The following CNTRL variants were observed in gnomAD, a reference collection of about 807,000 sequenced individuals.
CNTRL encodes the protein centriolin, also known as 110 kDa centrosomal protein.
Under a neutral mutation model 303.7 loss-of-function variants are expected in CNTRL, and 233 were observed. The ratio of observed to expected loss-of-function variants is 0.77; its 90% CI spans 0.69 to 0.86. The LOEUF is 0.86. Ranked by LOEUF, CNTRL falls within the 40% of genes least tolerant of loss-of-function variation. The pLI is 0.00. For synonymous variants in CNTRL, 900 were observed against 922.2 expected (o/e 0.98, Z 0.44); for missense variants, 2,524 against 2,650.6 (o/e 0.95, Z 1.05).
At chr9:121,105,975 T>C (rs1299496808) in intron 7 of CNTRL, among the ~76,000 whole-genome samples, 1 of 151,966 alleles carries the variant, frequency 6.6e-6, no homozygotes, top group African/African-American at 2.4e-5. Flanking sequence ...GACCAGGAAA[T>C]GGGCAGAAAC....
chr9:121,152,462 AT>A (rs753100222), intron 25 of CNTRL, 22 bp from the exon 26 acceptor site: 38 of 1,589,102 alleles, frequency 2.4e-5, no homozygotes, highest in Non-Finnish European at 2.9e-5. Context: ...TCAGCACTGC[AT>A]TTTTTTCCCC....
chr9:121,131,583 C>G (rs910796199), intron 14 of CNTRL, among the ~76,000 whole-genome samples: 1 of 152,198 alleles, frequency 6.6e-6, no homozygotes, highest in Non-Finnish European at 1.5e-5. Flanking sequence ...GACTCTTTAT[C>G]CAATTTGCCA....
Position 121,112,376 on chromosome 9 carries a change from A to G in CNTRL, c.1003-83A>G, listed in dbSNP as rs1038963827. On this transcript the variant is annotated intron_variant, in intron 8 of 43. Coordinates refer to ENST00000373855, the MANE Select transcript of CNTRL (RefSeq NM_007018.6). ...TTTTAAACATATATGATTATAACTTACGATGAGAACTTACCATATCATCAC... is the reference window on the plus strand; with the variant it reads ...TTTTAAACATATATGATTATAACTTGCGATGAGAACTTACCATATCATCAC... The G allele has an allele frequency of 4.8e-6, 6 of 1,246,312 alleles. No individual in the cohort carries two copies. The African/African-American group carries it at 9.1e-5, about 19-fold the overall frequency. The allele number at this position is 1,246,312 out of a possible 1,614,324, so 77.2% of individuals were successfully genotyped here.
intron 6 of CNTRL, 58 bp from the exon 7 acceptor site, chr9:121,098,324 CCTTT>C: frequency 1.6e-6 from 2 of 1,245,296 alleles, no homozygotes; most frequent in Non-Finnish European, 2.3e-6. Context: ...TTTGTAACTT[CCTTT>C]AAGTATGTTA....
chr9:121,109,013 T>C (rs2049617667), intron 8 of CNTRL, among the ~76,000 whole-genome samples: 1 of 152,196 alleles, frequency 6.6e-6, no homozygotes, highest in Admixed American at 6.5e-5. Flanking sequence ...GGAATGTTAC[T>C]GTATACAGTT....
chr9:121,140,540 G>A, intron 16 of CNTRL, 101 bp from the exon 17 acceptor site: 2 of 1,020,342 alleles, frequency 2.0e-6, no homozygotes, highest in East Asian at 2.9e-5. Context: ...AAGAGGCATT[G>A]TCTGAATTTA....
At chr9:121,107,336 A>C (rs1435917809) in intron 7 of CNTRL, among the ~76,000 whole-genome samples, 10 of 152,204 alleles carry the variant, frequency 6.6e-5, no homozygotes, top group African/African-American at 2.4e-4. Context: ...AAGATGAGGC[A>C]GAAGAGGGAG....
chr9:121,141,627 G>T, intron 18 of CNTRL, 39 bp downstream of exon 18: 1 of 1,561,802 alleles, frequency 6.4e-7, no homozygotes, highest in Non-Finnish European at 8.8e-7. Context: ...GGAAGTGTTT[G>T]GCAAATATTA....
chr9:121,146,140 G>C lies in CNTRL; in HGVS notation c.3343G>C (p.Glu1115Gln), dbSNP rs759286472. ...AGGAGGCTTTGAAAATGTTTTAGAAGAAATTGCTGAACTTCGACGTGAAGT... is the reference window on the plus strand; with the variant it reads ...AGGAGGCTTTGAAAATGTTTTAGAACAAATTGCTGAACTTCGACGTGAAGT... ...NKGGFENVLE[E>Q]IAELRREVSY... Residue 1115 changes from glutamate to glutamine, a missense_variant, in exon 23 of 44, where the codon GAA becomes CAA. Glu to Gln is a conservative substitution (Grantham distance 29, BLOSUM62 2). Coordinates refer to ENST00000373855, the MANE Select transcript of CNTRL (RefSeq NM_007018.6). 1.2e-6 allele frequency: 2 copies of C among 1,612,006 alleles called. No individual in the cohort carries two copies. The highest frequency in any genetic ancestry group is 4.5e-5 in the East Asian group (2 of 44,852).
At chr9:121,172,731 CACTTATG>C (rs1264413008) in intron 40 of CNTRL, among the ~76,000 whole-genome samples, 3 of 152,232 alleles carry the variant, frequency 2.0e-5, no homozygotes, top group African/African-American at 7.2e-5. Context: ...TAATCCAGAT[CACTTATG>C]ACTTATTTCA....
At chr9:121,109,833 AGTT>A (rs1261190138) in intron 8 of CNTRL, among the ~76,000 whole-genome samples, 1 of 152,118 alleles carries the variant, frequency 6.6e-6, no homozygotes, top group Non-Finnish European at 1.5e-5. Flanking sequence ...GAATTTTTAT[AGTT>A]GTTGGACAGT....
At chr9:121,144,504 T>C (rs1344847343) in intron 20 of CNTRL, among the ~76,000 whole-genome samples, 1 of 152,200 alleles carries the variant, frequency 6.6e-6, no homozygotes, top group African/African-American at 2.4e-5. Context: ...TACTGTGCTT[T>C]ATAGGATGCA....
intron 14 of CNTRL, among the ~76,000 whole-genome samples, chr9:121,131,024 A>G (rs1481786223): frequency 6.6e-6 from 1 of 152,116 alleles, no homozygotes; most frequent in African/African-American, 2.4e-5. Flanking sequence ...GTTCTTTTAC[A>G]TTTTTTGAGG....
At chr9:121,116,504 G>A (rs979218585) in intron 11 of CNTRL, among the ~76,000 whole-genome samples, 2 of 151,670 alleles carry the variant, frequency 1.3e-5, no homozygotes, top group Admixed American at 6.6e-5. Flanking sequence ...ATATTTTTTT[G>A]TAGAGATGGA....
At chr9:121,106,415 T>A (rs1466234350) in intron 7 of CNTRL, among the ~76,000 whole-genome samples, 3 of 148,288 alleles carry the variant, frequency 2.0e-5, no homozygotes, top group Non-Finnish European at 3.0e-5. Context: ...GGAGAAGACA[T>A]GAGAATGAGA....
Position 121,125,911 on chromosome 9 carries a change from C to A in CNTRL, c.2000C>A (p.Ala667Asp). Reference sequence around the variant, plus strand: ...GAGAGAGACCAGCTGGAAATAGTTGCCATGGATGCAGAAAATATGAGGAAG... The same window carrying A: ...GAGAGAGACCAGCTGGAAATAGTTGACATGGATGCAGAAAATATGAGGAAG... ...EQERDQLEIV[A>D]MDAENMRKEL... Residue 667 changes from alanine (A) to aspartate (D), a missense_variant, in exon 14 of 44, where the codon GCC (alanine) becomes GAC (aspartate). By Grantham distance (126) the Ala-to-Asp change is moderately radical. Coordinates refer to ENST00000373855, the MANE Select transcript of CNTRL (RefSeq NM_007018.6). 1 of 1,614,014 alleles carries A rather than the reference C, an allele frequency of 6.2e-7. No homozygotes were observed. Among genetic ancestry groups the A allele is most frequent in the South Asian group, 1.1e-5 (1 of 91,080 alleles).
At chr9:121,141,182 T>C (rs917199332) in intron 17 of CNTRL, among the ~76,000 whole-genome samples, 199 bp from the exon 18 acceptor site, 1 of 152,242 alleles carries the variant, frequency 6.6e-6, no homozygotes, top group Admixed American at 6.5e-5. Context: ...TAGCCTGATA[T>C]GAGCCTATGT....
intron 16 of CNTRL, among the ~76,000 whole-genome samples, 199 bp downstream of exon 16, chr9:121,138,878 C>A (rs1018102140): frequency 6.6e-6 from 1 of 152,134 alleles, no homozygotes; most frequent in Admixed American, 6.6e-5. Flanking sequence ...TTGTGAATCT[C>A]CTTTTGTTTT....
chr9:121,075,111 C>G (rs1223328774), intron 1 of CNTRL, 44 bp downstream of exon 1: 1 of 362,372 alleles, frequency 2.8e-6, no homozygotes, highest in Non-Finnish European at 5.5e-6. Flanking sequence ...GCATCCGGCC[C>G]GAGCAGTGGG....
Sources: allele counts gnomAD v4.1 joint callset (sites outside exome capture counted in the v4.1 genomes callset), GRCh38; gene constraint gnomAD v4.1.1; transcripts MANE v1.5; gene names NCBI Gene and HGNC (gene_info 2026-07-23, HGNC 2026-07-21).